TRIM23: variants seen among roughly 807,000 people sequenced by gnomAD.
TRIM23 encodes tripartite motif containing 23.
A neutral mutation model predicts 71.0 loss-of-function variants in TRIM23; 27 were observed. That is an observed-to-expected ratio of 0.38 (90% CI 0.28 to 0.52). TRIM23 has a LOEUF of 0.52. TRIM23 is among the 20% of genes least tolerant of loss of function. TRIM23 has a pLI of 0.84. For synonymous variants in TRIM23, 234 were observed against 238.0 expected (o/e 0.98, Z 0.16); for missense variants, 482 against 692.3 (o/e 0.70, Z 3.41).
chr5:65,607,126 T>G (rs1754529648), intron 6 of TRIM23: 1 of 152,260 alleles, frequency 6.6e-6, no homozygotes, highest in Admixed American at 6.5e-5. Flanking sequence ...CAATTTGTGA[T>G]GTTCCATCCA....
intron 7 of TRIM23, among the ~76,000 whole-genome samples, chr5:65,600,488 C>T (rs544318680): frequency 1.3e-5 from 2 of 151,942 alleles, no homozygotes; most frequent in Admixed American, 1.3e-4. Flanking sequence ...GTATCTTACA[C>T]CACCTAAAAA....
intron 5 of TRIM23, among the ~76,000 whole-genome samples, chr5:65,610,509 C>T (rs772854252): frequency 1.5e-4 from 23 of 152,302 alleles, no homozygotes; most frequent in African/African-American, 4.8e-4. Flanking sequence ...ACATATTGTT[C>T]CCTTCTTGGG....
intron 1 of TRIM23, among the ~76,000 whole-genome samples, chr5:65,620,827 G>A (rs1020032517): frequency 6.6e-6 from 1 of 152,042 alleles, no homozygotes; most frequent in Non-Finnish European, 1.5e-5. Flanking sequence ...TGTAATCACA[G>A]CACTTTGGGA....
chr5:65,607,516 C>T (rs1159735086), intron 6 of TRIM23, among the ~76,000 whole-genome samples: 2 of 152,136 alleles, frequency 1.3e-5, no homozygotes, highest in African/African-American at 4.8e-5. Context: ...TGCTTGCTTC[C>T]CCTTCGCCTT....
chr5:65,597,926 GATTA>G (rs1048830842), intron 7 of TRIM23, among the ~76,000 whole-genome samples: 4 of 152,112 alleles, frequency 2.6e-5, no homozygotes, highest in African/African-American at 9.7e-5. Flanking sequence ...TTCTTGAAAG[GATTA>G]ATTTTTAAGA....
intron 1 of TRIM23, among the ~76,000 whole-genome samples, chr5:65,620,814 A>G (rs469586): frequency 0.62 from 94,022 of 151,716 alleles, 29,386 homozygotes; most frequent in South Asian, 0.65. Context: ...TGTGGCTCAC[A>G]CCTGTAATCA....
chr5:65,619,291 C>T (rs1754856101), intron 1 of TRIM23, among the ~76,000 whole-genome samples: 1 of 152,228 alleles, frequency 6.6e-6, no homozygotes, highest in South Asian at 2.1e-4. Flanking sequence ...CTTTGGGCCC[C>T]GATGTACTCT....
chr5:65,610,858 T>C lies in TRIM23; in HGVS notation c.828+3A>G. On this transcript the variant is annotated splice_donor_region_variant and intron_variant, in intron 5 of 10. Transcript: ENST00000231524. ...GAAAGTGAAGAAGAAAAAAAATCCA[T>C]ACATGTTCTGTGTGAGCCATTCCAA... 1.9e-6 allele frequency: 3 copies of C among 1,583,884 alleles called. No homozygotes were observed. The highest frequency in any genetic ancestry group is 1.7e-6 in the Non-Finnish European group (2 of 1,169,044).
At chr5:65,598,117 G>C (rs1754257218) in intron 7 of TRIM23, among the ~76,000 whole-genome samples, 2 of 151,982 alleles carry the variant, frequency 1.3e-5, no homozygotes, top group Admixed American at 1.3e-4. Context: ...TGGTATTCTT[G>C]AGGGTCTATA....
chr5:65,621,637 G>A (rs1050919330), intron 1 of TRIM23, among the ~76,000 whole-genome samples: 2 of 151,686 alleles, frequency 1.3e-5, no homozygotes, highest in African/African-American at 2.4e-5. Context: ...GCATCAACTC[G>A]GTAAATAATA....
intron 5 of TRIM23, 71 bp downstream of exon 5, chr5:65,610,790 T>A (rs37330): frequency 0.66 from 893,378 of 1,353,098 alleles, 298,722 homozygotes; most frequent in African/African-American, 0.88. Context: ...TGCCCATTAA[T>A]TACTTAGTAG....
Position 65,590,325 on chromosome 5 carries a change from T to C in TRIM23, c.*1444A>G, listed in dbSNP as rs1561737681. On this transcript the variant is annotated 3_prime_UTR_variant, in exon 11 of 11. Coordinates refer to ENST00000231524, the MANE Select transcript of TRIM23 (RefSeq NM_001656.4). ...TACCTGAAAAATAAAGGATGAAATA[T>C]TACATTTATTTATTTACATATTGCC... 4.8e-6 allele frequency: 7 copies of C among 1,451,236 alleles called. No homozygotes were observed. The highest frequency in any genetic ancestry group is 3.9e-5 in the Admixed American group (2 of 51,638). 89.9% of individuals were successfully genotyped at this position (1,451,236 alleles called of 1,614,324 possible). A position where few individuals can be genotyped will look rare whatever the true frequency, so the allele number is the denominator to read the frequency against.
At chr5:65,608,322 A>G (rs949064522) in intron 6 of TRIM23, among the ~76,000 whole-genome samples, 6 of 152,140 alleles carry the variant, frequency 3.9e-5, no homozygotes, top group Admixed American at 1.3e-4. Context: ...AGTATCACAA[A>G]ATAGAGGATA....
chr5:65,600,126 T>C (rs111690194), intron 7 of TRIM23, among the ~76,000 whole-genome samples: 9 of 152,268 alleles, frequency 5.9e-5, no homozygotes, highest in South Asian at 2.1e-4. Flanking sequence ...TCACCTATTA[T>C]GGCAAAGACA....
At position 65,610,867 on chromosome 5, in the gene TRIM23, T is replaced by C; in HGVS notation, c.822A>G (p.Thr274=). ...IVEDGIGMAH[T]EHVPGTAENA... ...GAAGAAAAAAAATCCATACATGTTC[T>C]GTGTGAGCCATTCCAATTCCATCTT... Residue 274 remains threonine, a synonymous_variant, in exon 5 of 11, where the codon ACA becomes ACG. Transcript: ENST00000231524. 1 of 1,592,162 alleles carries C rather than the reference T, an allele frequency of 6.3e-7. No homozygotes were observed. Among genetic ancestry groups the C allele is most frequent in the Non-Finnish European group, 8.5e-7 (1 of 1,172,422 alleles).
intron 1 of TRIM23, among the ~76,000 whole-genome samples, chr5:65,622,717 A>G (rs566527441): frequency 3.0e-4 from 45 of 152,332 alleles, no homozygotes; most frequent in African/African-American, 1.1e-3. Flanking sequence ...GGACTATTTC[A>G]TTGCACAGTT....
rs190807512 is a variant in TRIM23, at chr5:65,616,713, A to G, written c.244+1380T>C. On this transcript the variant is annotated intron_variant, in intron 2 of 10. Coordinates refer to ENST00000231524, the MANE Select transcript of TRIM23 (RefSeq NM_001656.4). ...TTTGAAAAACATTACTATTTCTTTA[A>G]GCATAGTTTTTTTGTTTGTTTGTCT... Among the ~76,000 whole-genome samples, 269 of 151,162 alleles carry G rather than the reference A, an allele frequency of 1.8e-3. 2 individuals carry two copies. The highest frequency in any genetic ancestry group is 6.1e-3 in the African/African-American group (253 of 41,234).
intron 2 of TRIM23, among the ~76,000 whole-genome samples, chr5:65,616,766 G>C (rs1481223631): frequency 6.6e-6 from 1 of 151,764 alleles, no homozygotes; most frequent in Non-Finnish European, 1.5e-5. Flanking sequence ...TTGTTGCCCA[G>C]GCTGGAGGGC....
chr5:65,599,613 T>C (rs72762460), intron 7 of TRIM23, among the ~76,000 whole-genome samples: 28,983 of 152,140 alleles, frequency 0.19, 3,416 homozygotes, highest in South Asian at 0.32. Flanking sequence ...TAAATAGACA[T>C]TCCATGTCCA....
Sources: allele counts gnomAD v4.1 joint callset (sites outside exome capture counted in the v4.1 genomes callset), GRCh38; gene constraint gnomAD v4.1.1; transcripts MANE v1.5; gene names NCBI Gene and HGNC (gene_info 2026-07-23, HGNC 2026-07-21).